Variants in DPP10 observed in about 807,000 individuals in gnomAD.
DPP10 encodes inactive dipeptidyl peptidase 10.
In DPP10, 33 loss-of-function variants were observed where a neutral mutation model predicts 120.9. The ratio of observed to expected loss-of-function variants is 0.27; its 90% CI spans 0.21 to 0.37. The LOEUF is 0.37. DPP10 is among the 10% of genes least tolerant of loss of function. The pLI is 1.00. For synonymous variants in DPP10, 337 were observed against 326.1 expected (o/e 1.03, Z -0.36); for missense variants, 816 against 942.8 (o/e 0.87, Z 1.76).
chr2:115,678,441 C>T (rs2090431026), intron 5 of DPP10, among the ~76,000 whole-genome samples: 1 of 152,226 alleles, frequency 6.6e-6, no homozygotes, highest in African/African-American at 2.4e-5. Context: ...TGGCAGCTTG[C>T]CTTGCACATG....
intron 1 of DPP10, among the ~76,000 whole-genome samples, chr2:114,482,550 A>G (rs1282844789): frequency 6.6e-6 from 1 of 152,182 alleles, no homozygotes; most frequent in African/African-American, 2.4e-5. Context: ...GACCAAAGTC[A>G]GCAGATTTTG....
intron 1 of DPP10, among the ~76,000 whole-genome samples, chr2:114,959,124 T>C (rs779755685): frequency 1.4e-4 from 21 of 152,196 alleles, no homozygotes; most frequent in Non-Finnish European, 2.8e-4. Context: ...AGTGGCCCGA[T>C]CTCAGCTCAC....
intron 5 of DPP10, among the ~76,000 whole-genome samples, chr2:115,545,536 T>C (rs1480122474): frequency 6.6e-6 from 1 of 152,146 alleles, no homozygotes; most frequent in East Asian, 1.9e-4. Context: ...CCTTCAGGCA[T>C]GTACAGAACA....
intron 3 of DPP10, among the ~76,000 whole-genome samples, chr2:115,398,343 T>C (rs1344105682): frequency 5.9e-5 from 9 of 152,246 alleles, no homozygotes; most frequent in South Asian, 2.1e-4. Context: ...AATGCATTAT[T>C]AAGTAGTTAA....
intron 1 of DPP10, among the ~76,000 whole-genome samples, chr2:114,824,668 G>A (rs1217759102): frequency 2.0e-5 from 3 of 151,926 alleles, no homozygotes; most frequent in Non-Finnish European, 4.4e-5. Flanking sequence ...GAATATTGGA[G>A]ACAGGAAAGA....
intron 1 of DPP10, among the ~76,000 whole-genome samples, chr2:114,608,981 C>G (rs1273881474): frequency 6.6e-6 from 1 of 152,008 alleles, no homozygotes; most frequent in Non-Finnish European, 1.5e-5. Flanking sequence ...TACTTTAAAT[C>G]ACAGCATCAC....
intron 1 of DPP10, among the ~76,000 whole-genome samples, chr2:114,568,611 T>C (rs1689393333): frequency 6.6e-6 from 1 of 152,260 alleles, no homozygotes; most frequent in South Asian, 2.1e-4. Flanking sequence ...GTTTGACTTT[T>C]GTAAGACGAC....
intron 7 of DPP10, among the ~76,000 whole-genome samples, chr2:115,702,625 A>G (rs991652974): frequency 6.6e-6 from 1 of 152,098 alleles, no homozygotes; most frequent in Non-Finnish European, 1.5e-5. Flanking sequence ...ATATGATTTC[A>G]TTTATGTGAA....
chr2:114,646,706 C>T (rs1057478393), intron 1 of DPP10, among the ~76,000 whole-genome samples: 4 of 152,144 alleles, frequency 2.6e-5, no homozygotes, highest in Non-Finnish European at 4.4e-5. Flanking sequence ...GCAGGCTGGG[C>T]ACCCTTTCAG....
chr2:114,908,487 A>G (rs188074744), intron 1 of DPP10, among the ~76,000 whole-genome samples: 1 of 152,030 alleles, frequency 6.6e-6, no homozygotes, highest in East Asian at 1.9e-4. Flanking sequence ...TTTATAATAT[A>G]TACCTTACCT....
intron 8 of DPP10, among the ~76,000 whole-genome samples, chr2:115,728,444 G>A (rs1192107754): frequency 6.6e-6 from 1 of 151,974 alleles, no homozygotes; most frequent in African/African-American, 2.4e-5. Flanking sequence ...TTTAGTAATA[G>A]CTGAGAATAT....
chr2:114,449,636 C>T (rs990190306), intron 1 of DPP10, among the ~76,000 whole-genome samples: 4 of 151,936 alleles, frequency 2.6e-5, no homozygotes, highest in East Asian at 1.9e-4. Flanking sequence ...TGTGGTCTTG[C>T]GGAAGGCAAT....
At chr2:115,687,485 G>GGATAGATAGATAGATA (rs3043901) in intron 5 of DPP10, among the ~76,000 whole-genome samples, 226 of 147,014 alleles carry the variant, frequency 1.5e-3, no homozygotes, top group Non-Finnish European at 1.8e-3. Context: ...ATGGATGGAT[G>GGATAGATAGATAGATA]GATAGATAGA....
chr2:115,837,697 G>A (rs1689673238), intron 24 of DPP10, among the ~76,000 whole-genome samples: 1 of 152,104 alleles, frequency 6.6e-6, no homozygotes, highest in African/African-American at 2.4e-5. Flanking sequence ...ATGATGTAGT[G>A]GGGATGGCAC....
At chr2:114,466,657 A>G (rs560412894) in intron 1 of DPP10, among the ~76,000 whole-genome samples, 1 of 152,348 alleles carries the variant, frequency 6.6e-6, no homozygotes, top group South Asian at 2.1e-4. Flanking sequence ...AGGAGCATAG[A>G]ATAGGTGCTG....
chr2:114,986,976 C>T (rs755151421), intron 1 of DPP10, among the ~76,000 whole-genome samples: 23 of 152,006 alleles, frequency 1.5e-4, no homozygotes, highest in Non-Finnish European at 3.2e-4. Flanking sequence ...GATGTGGTTT[C>T]ACTATGTTGG....
chr2:115,080,293 C>T (rs967875264), intron 1 of DPP10, among the ~76,000 whole-genome samples: 2 of 152,176 alleles, frequency 1.3e-5, no homozygotes, highest in Admixed American at 6.5e-5. Context: ...CCTGGGATTA[C>T]AGGCATGATC....
At chr2:115,055,753 G>A (rs982892245) in intron 1 of DPP10, among the ~76,000 whole-genome samples, 1 of 152,076 alleles carries the variant, frequency 6.6e-6, no homozygotes, top group Non-Finnish European at 1.5e-5. Flanking sequence ...ACTGCATTTT[G>A]TTGCACCCAA....
chr2:115,810,260 C>T (rs56996329), intron 19 of DPP10, among the ~76,000 whole-genome samples: 1 of 151,512 alleles, frequency 6.6e-6, no homozygotes, highest in Admixed American at 6.6e-5. Context: ...AATAAAAAAA[C>T]CAATTAATTC....
Sources: gnomAD v4.1 joint callset for allele counts (sites outside exome capture counted in the v4.1 genomes callset) on GRCh38, gnomAD v4.1.1 for gene constraint, MANE v1.5 for transcripts, NCBI Gene and HGNC (gene_info 2026-07-23, HGNC 2026-07-21) for gene names.